CSNK1G2: variants seen among roughly 807,000 people sequenced by gnomAD.
CSNK1G2 encodes the protein casein kinase 1 gamma 2.
CSNK1G2 carries 11 observed loss-of-function variants against 48.0 expected under a neutral mutation model. The observed-to-expected ratio is 0.23, with a 90% CI of 0.14 to 0.38. CSNK1G2 has a LOEUF of 0.38. Ranked by LOEUF, CSNK1G2 falls within the 10% of genes least tolerant of loss-of-function variation. CSNK1G2 has a pLI of 1.00. For synonymous variants in CSNK1G2, 337 were observed against 254.1 expected (o/e 1.33, Z -3.10); for missense variants, 446 against 595.5 (o/e 0.75, Z 2.61).
chr19:1,955,531 G>A (rs1256387968), intron 1 of CSNK1G2, among the ~76,000 whole-genome samples: 3 of 149,138 alleles, frequency 2.0e-5, no homozygotes, highest in African/African-American at 5.1e-5. Flanking sequence ...GCTCCGCGGG[G>A]TGGGCGTGTG....
At chr19:1,947,117 G>A (rs554359203) in intron 1 of CSNK1G2, among the ~76,000 whole-genome samples, 5 of 152,306 alleles carry the variant, frequency 3.3e-5, no homozygotes, top group South Asian at 2.1e-4. Context: ...GCGGTGTTTC[G>A]TTGATGCGTA....
At chr19:1,959,142 CTCTG>C (rs2015106774) in intron 1 of CSNK1G2, 1 of 152,160 alleles carries the variant, frequency 6.6e-6, no homozygotes, top group South Asian at 2.0e-4. Flanking sequence ...GAGGCTGTGT[CTCTG>C]TCTGTGCCAT....
At chr19:1,973,090 G>C (rs1284060674) in intron 2 of CSNK1G2, among the ~76,000 whole-genome samples, 2 of 151,362 alleles carry the variant, frequency 1.3e-5, no homozygotes, top group African/African-American at 2.4e-5. Context: ...ACCACACCCA[G>C]CTAATTTTTT....
rs2014502150 is a variant in CSNK1G2, at chr19:1,945,004, ATG to A, written c.-266+3587_-266+3588del. ...GCAAGGGCATGGGACAAAGCAGGAC[ATG>A]CCCCGGGTGGCCAGCGTGAGCTAGC... On this transcript the variant is annotated intron_variant, in intron 1 of 11. Coordinates refer to ENST00000255641, the MANE Select transcript of CSNK1G2 (RefSeq NM_001319.7). Among the ~76,000 whole-genome samples, 21 of 152,340 alleles carry A rather than the reference ATG, an allele frequency of 1.4e-4. 1 individual carries two copies. The South Asian group carries it at 4.3e-3, about 32-fold the overall frequency.
intron 1 of CSNK1G2, among the ~76,000 whole-genome samples, chr19:1,960,505 G>A (rs991876517): frequency 1.3e-5 from 2 of 152,192 alleles, no homozygotes. Flanking sequence ...GCTCTGACAC[G>A]CTGCCGTGTC....
intron 1 of CSNK1G2, among the ~76,000 whole-genome samples, chr19:1,959,490 CT>C (rs1278889637): frequency 6.8e-6 from 1 of 146,100 alleles, no homozygotes; most frequent in African/African-American, 2.6e-5. Context: ...ACCTTTAATG[CT>C]CGGCCCCCAG....
intron 2 of CSNK1G2, among the ~76,000 whole-genome samples, chr19:1,976,969 C>A (rs1270773701): frequency 6.6e-6 from 1 of 152,144 alleles, no homozygotes. Context: ...GAACTCCCGA[C>A]CTCAGGTGAT....
At chr19:1,976,247 G>A (rs2015749828) in intron 2 of CSNK1G2, 4 of 534,626 alleles carry the variant, frequency 7.5e-6, no homozygotes, top group South Asian at 1.8e-5. Flanking sequence ...TTCTGAAAAC[G>A]CGGGGACCAG....
At chr19:1,948,037 G>C (rs2014626860) in intron 1 of CSNK1G2, among the ~76,000 whole-genome samples, 1 of 152,198 alleles carries the variant, frequency 6.6e-6, no homozygotes, top group African/African-American at 2.4e-5. Flanking sequence ...TCGTGGGCCG[G>C]GACCCGGGAT....
At chr19:1,949,500 C>T (rs1031314201) in intron 1 of CSNK1G2, among the ~76,000 whole-genome samples, 9 of 152,224 alleles carry the variant, frequency 5.9e-5, no homozygotes, top group Non-Finnish European at 1.2e-4. Context: ...GTGGCTGAGT[C>T]GTGTTCCGGC....
chr19:1,962,317 T>G (rs1406399301), intron 1 of CSNK1G2, among the ~76,000 whole-genome samples: 1 of 137,008 alleles, frequency 7.3e-6, no homozygotes, highest in African/African-American at 2.8e-5. Context: ...GGCGAAAGAG[T>G]GAGACTCTGT....
rs550769172 is a variant in CSNK1G2 at position 1,969,617 on chromosome 19, C to T, written c.-156C>T. ...AGCAGCGCGGCCTGGCCGGCCCGAA[C>T]GCCTGCGTCTCAGTAGCTGGGAGCC... On this transcript the variant is annotated 5_prime_UTR_variant, in exon 2 of 12. It adds an upstream start codon to the 5' untranslated region. Coordinates refer to ENST00000255641, the MANE Select transcript of CSNK1G2 (RefSeq NM_001319.7). The T allele has an allele frequency of 2.2e-5, 13 of 594,506 alleles. No individual in the cohort carries two copies. Among genetic ancestry groups the T allele is most frequent in the South Asian group, 1.9e-4 (2 of 10,660 alleles). 36.8% of individuals were successfully genotyped at this position (594,506 alleles called of 1,614,324 possible). A position where few individuals can be genotyped will look rare whatever the true frequency, so the allele number is the denominator to read the frequency against.
At chr19:1,972,930 GTTT>G (rs34612691) in intron 2 of CSNK1G2, among the ~76,000 whole-genome samples, 2 of 128,156 alleles carry the variant, frequency 1.6e-5, no homozygotes. Flanking sequence ...CGCCTGCTTT[GTTT>G]TTTTTTTTTT....
intron 1 of CSNK1G2, among the ~76,000 whole-genome samples, chr19:1,952,043 T>G (rs2014782727): frequency 6.6e-6 from 1 of 152,172 alleles, no homozygotes; most frequent in Non-Finnish European, 1.5e-5. Flanking sequence ...GTGGTGAGAT[T>G]GGGGCCATCC....
At position 1,959,868 on chromosome 19, in the gene CSNK1G2, C is replaced by A; in HGVS notation, c.-265-9640C>A. Among the ~76,000 whole-genome samples the A allele has an allele frequency of 1.3e-5, 2 of 149,558 alleles. 1 individual carries two copies. Among genetic ancestry groups the A allele is most frequent in the African/African-American group, 5.0e-5 (2 of 40,046 alleles). On this transcript the variant is annotated intron_variant, in intron 1 of 11. Coordinates refer to ENST00000255641, the MANE Select transcript of CSNK1G2 (RefSeq NM_001319.7). ...GCACCTGTGCCACCTTTAGTGCCAC[C>A]GTGGGTCCCCCAGCACCCGCCCCAC...
intron 1 of CSNK1G2, among the ~76,000 whole-genome samples, chr19:1,960,003 T>C (rs1034094020): frequency 3.3e-5 from 5 of 151,936 alleles, no homozygotes. Flanking sequence ...GGAGTGAGAG[T>C]TTGTTCCCTG....
chr19:1,955,213 G>A (rs921776124), intron 1 of CSNK1G2, among the ~76,000 whole-genome samples: 1 of 151,974 alleles, frequency 6.6e-6, no homozygotes, highest in South Asian at 2.1e-4. Flanking sequence ...GCTCTTGTTT[G>A]TGGGGGCAGG....
At chr19:1,966,689 G>A (rs969992566) in intron 1 of CSNK1G2, among the ~76,000 whole-genome samples, 1 of 152,096 alleles carries the variant, frequency 6.6e-6, no homozygotes, top group African/African-American at 2.4e-5. Context: ...ATGAAAGGAA[G>A]AGTCCATCGC....
intron 1 of CSNK1G2, among the ~76,000 whole-genome samples, chr19:1,963,162 C>T (rs558782959): frequency 2.6e-5 from 4 of 152,194 alleles, no homozygotes; most frequent in South Asian, 2.1e-4. Flanking sequence ...CAGGGAGTAA[C>T]GTGGTGGTTT....
Sources: allele counts gnomAD v4.1 joint callset (sites outside exome capture counted in the v4.1 genomes callset), GRCh38; gene constraint gnomAD v4.1.1; transcripts MANE v1.5; gene names NCBI Gene and HGNC (gene_info 2026-07-23, HGNC 2026-07-21).